CTSV: variants seen among roughly 807,000 people sequenced by gnomAD.
The protein encoded by CTSV is cathepsin V.
In CTSV, 33 loss-of-function variants were observed where a neutral mutation model predicts 35.6. That is an observed-to-expected ratio of 0.93 (90% CI 0.70 to 1.24). CTSV has a LOEUF of 1.24. CTSV is among the 50% of genes most tolerant of loss of function. CTSV has a pLI of 0.00. For synonymous variants in CTSV, 154 were observed against 147.1 expected, an observed-to-expected ratio of 1.05 and a Z score of -0.34; for missense variants, 408 against 413.1, an observed-to-expected ratio of 0.99 and a Z score of 0.11.
At chr9:97,038,302 C>T (rs1165915496) in intron 1 of CTSV, 8 of 334,712 alleles carry the variant, frequency 2.4e-5, no homozygotes, top group Admixed American at 1.2e-4. Flanking sequence ...AGATACCTGA[C>T]GGGTGAGAAG....
intron 1 of CTSV, 62 bp from the exon 2 acceptor site, chr9:97,038,115 C>A (rs996634185): frequency 6.7e-6 from 10 of 1,495,876 alleles, no homozygotes; most frequent in Non-Finnish European, 8.3e-6. Flanking sequence ...TCTTACAGCC[C>A]CCGTGGAATA....
rs1239144482 is a variant in CTSV at position 97,030,124 on chromosome 9, T to A, written c.*2825A>T. The A allele has an allele frequency of 6.6e-6, 1 of 152,244 alleles. No individual in the cohort carries two copies. Among genetic ancestry groups the A allele is most frequent in the Non-Finnish European group, 1.5e-5 (1 of 68,040 alleles). 9.4% of individuals were successfully genotyped at this position (152,244 alleles called of 1,614,324 possible). A position where few individuals can be genotyped will look rare whatever the true frequency, so the allele number is the denominator to read the frequency against. ...TATATACATTTACTAATGTTTGTTA[T>A]TTTTAATACAGAAAAGTTTCTTCTT... On this transcript the variant is annotated 3_prime_UTR_variant, in exon 8 of 8. Transcript: ENST00000259470.
intron 1 of CTSV, 62 bp downstream of exon 1, chr9:97,039,009 A>T (rs1828908187): frequency 6.6e-6 from 1 of 152,370 alleles, no homozygotes; most frequent in South Asian, 2.1e-4. Context: ...GTGTCCCTAA[A>T]GGGGGGTTCC....
intron 4 of CTSV, 117 bp from the exon 5 acceptor site, chr9:97,036,864 G>A (rs1336864280): frequency 1.0e-6 from 1 of 967,014 alleles, no homozygotes; most frequent in Non-Finnish European, 1.5e-6. Flanking sequence ...CCACACTTTG[G>A]GAGGCCGAGG....
In CTSV at chr9:97,032,191, G is replaced by A. The variant is rs1479223698; in HGVS notation, c.*758C>T. 2 of 152,150 alleles carry A rather than the reference G, an allele frequency of 1.3e-5. No homozygotes were observed. The highest frequency in any genetic ancestry group is 4.8e-5 in the African/African-American group (2 of 41,404). 9.4% of individuals were successfully genotyped at this position (152,150 alleles called of 1,614,324 possible). On this transcript the variant is annotated 3_prime_UTR_variant, in exon 8 of 8. Coordinates refer to ENST00000259470, the MANE Select transcript of CTSV (RefSeq NM_001333.4). ...TGGGAGGCTGAGGCAGGTGGATCAC[G>A]AGGTCGAGAGTTCAAGACCAGCCTG...
chr9:97,037,852 A>G (rs992040633), intron 2 of CTSV, 66 bp downstream of exon 2: 1 of 1,590,192 alleles, frequency 6.3e-7, no homozygotes, highest in Non-Finnish European at 8.6e-7. Context: ...CTCTCTGGCT[A>G]TCAACTCCCA....
Position 97,035,693 on chromosome 9 carries a change from C to T in CTSV, c.622G>A (p.Asp208Asn). The T allele has an allele frequency of 6.7e-7, 1 of 1,501,498 alleles. No individual in the cohort carries two copies. Among genetic ancestry groups the T allele is most frequent in the Non-Finnish European group, 9.0e-7 (1 of 1,117,194 alleles). The allele number at this position is 1,501,498 out of a possible 1,614,324, so 93.0% of individuals were successfully genotyped here. Residue 208 changes from aspartate to asparagine, a missense_variant and splice_region_variant, in exon 6 of 8, where the codon GAT becomes AAT. Asp to Asn is a conservative substitution (Grantham distance 23, BLOSUM62 1). Transcript: ENST00000259470. ...TCAGGTCTGTACTTACAGATTTCAT[C>T]CTTTTAAAGTTAAAGGGGGAGAGAC... is the stretch of plus-strand genomic sequence containing the variant. ...SEESYPYVAVDEICKYRPENS... is the reference protein window; with the variant it reads ...SEESYPYVAVNEICKYRPENS...
In CTSV at chr9:97,038,005, T is replaced by C; in HGVS notation, c.39A>G (p.Gly13=). ...CAAATTTTGGAACAGCGGAGGCTAT[T>C]CCCAAGCAAAAGGCAGCCAGGACGA... The part of the protein sequence containing the change: ...LSLVLAAFCL[G]IASAVPKFDQ... Residue 13 remains glycine (G), a synonymous_variant, in exon 2 of 8, where the codon GGA becomes GGG. Transcript: ENST00000259470. 6.2e-7 allele frequency: 1 copy of C among 1,613,994 alleles called. No homozygotes were observed. Among genetic ancestry groups the C allele is most frequent in the Non-Finnish European group, 8.5e-7 (1 of 1,179,964 alleles).
Position 97,034,799 on chromosome 9 carries a change from C to T in CTSV, c.832G>A (p.Gly278Ser), listed in dbSNP as rs1252649987. The T allele has an allele frequency of 6.2e-7, 1 of 1,614,108 alleles. No individual in the cohort carries two copies. Among genetic ancestry groups the T allele is most frequent in the Non-Finnish European group, 8.5e-7 (1 of 1,180,022 alleles). The change falls in exon 7 of 8, where the codon GGT becomes AGT. Residue 278 changes from glycine (G) to serine (S), a missense_variant. Coordinates refer to ENST00000259470, the MANE Select transcript of CTSV (RefSeq NM_001333.4). ...PDCSSKNLDHGVLVVGYGFEG... is the reference protein window; with the variant it reads ...PDCSSKNLDHSVLVVGYGFEG... ...AAGCCGTAGCCAACCACCAGAACAC[C>T]ATGATCCAGGTTTTTGCTGCTGCAG...
rs574967641 is a variant in CTSV at position 97,031,975 on chromosome 9, A to T, written c.*974T>A. ...GCACCTGCGTCTTCCTCAGACTGCA[A>T]AGTGGTCACCAGCAATTCAGAGAGG... On this transcript the variant is annotated 3_prime_UTR_variant, in exon 8 of 8. Coordinates refer to ENST00000259470, the MANE Select transcript of CTSV (RefSeq NM_001333.4). 6.6e-6 allele frequency: 1 copy of T among 152,390 alleles called. No homozygotes were observed. Among genetic ancestry groups the T allele is most frequent in the South Asian group, 2.1e-4 (1 of 4,832 alleles). The allele number at this position is 152,390 out of a possible 1,614,324, so 9.4% of individuals were successfully genotyped here.
upstream of CTSV, chr9:97,039,361 G>C (rs1434510582): frequency 3.3e-5 from 5 of 152,882 alleles, no homozygotes. Flanking sequence ...GGGGCTGCGC[G>C]GAGGAGGGGG....
At chr9:97,039,539 C>T (rs555069995), upstream of CTSV, 1 of 152,232 alleles carries the variant, frequency 6.6e-6, no homozygotes, top group Non-Finnish European at 1.5e-5. Flanking sequence ...CGTTCAGTGG[C>T]TCCTGTTTAG....
chr9:97,034,639 T>C (rs1256942166), intron 7 of CTSV, 87 bp downstream of exon 7: 5 of 1,001,862 alleles, frequency 5.0e-6, no homozygotes, highest in African/African-American at 1.6e-5. Flanking sequence ...AGAAAGACTT[T>C]CGGAATTTTG....
rs1458961337 is a variant in CTSV at position 97,037,314 on chromosome 9, G to C, written c.334C>G (p.Leu112Val). The C allele has an allele frequency of 1.2e-6, 2 of 1,614,054 alleles. No homozygotes were observed. Among genetic ancestry groups the C allele is most frequent in the Admixed American group, 3.3e-5 (2 of 59,996 alleles). The change falls in exon 4 of 8, where the codon CTT (leucine) becomes GTT (valine). Residue 112 changes from leucine (L) to valine (V), a missense_variant. Leu to Val is a conservative substitution (Grantham distance 32). Coordinates refer to ENST00000259470, the MANE Select transcript of CTSV (RefSeq NM_001333.4). ...CAATCCACAGATTTGGGAAGATCAA[G>C]AAACAGAGGCTCACGGAACACTTTC... The part of the protein sequence containing the change: ...KGKVFREPLF[L>V]DLPKSVDWRK...
chr9:97,032,658 A>G lies in CTSV; in HGVS notation c.*291T>C. On this transcript the variant is annotated 3_prime_UTR_variant, in exon 8 of 8. Coordinates refer to ENST00000259470, the MANE Select transcript of CTSV (RefSeq NM_001333.4). The stretch of plus-strand genomic sequence containing the variant: ...ATGCATTAAAAAAAGGCCCACCTTT[A>G]TATACGAATTAAAATTTATTTCAAA... 3.6e-6 allele frequency: 1 copy of G among 276,328 alleles called. No homozygotes were observed. The highest frequency in any genetic ancestry group is 1.1e-3 in the Middle Eastern group (1 of 944). The allele number at this position is 276,328 out of a possible 1,614,324, so 17.1% of individuals were successfully genotyped here. A position where few individuals can be genotyped will look rare whatever the true frequency, so the allele number is the denominator to read the frequency against.
chr9:97,036,571 C>G lies in CTSV; in HGVS notation c.573G>C (p.Lys191Asn), dbSNP rs1344929932. The change falls in exon 5 of 8, where the codon AAG becomes AAC. Residue 191 changes from lysine (K) to asparagine (N), a missense_variant. By Grantham distance (94) the Lys-to-Asn change is moderately conservative (BLOSUM62 0). Coordinates refer to ENST00000259470, the MANE Select transcript of CTSV (RefSeq NM_001333.4). ...CCTCAGAGTCCAGGCCTCCGTTCTCCTTGACATACTGGAAGGCCCTAGCCA... is the reference window on the plus strand; with the variant it reads ...CCTCAGAGTCCAGGCCTCCGTTCTCGTTGACATACTGGAAGGCCCTAGCCA... ...GFMARAFQYV[K>N]ENGGLDSEES... 3.7e-6 allele frequency: 6 copies of G among 1,614,084 alleles called. No individual in the cohort carries two copies. The highest frequency in any genetic ancestry group is 3.3e-5 in the South Asian group (3 of 91,080).
chr9:97,033,179 T>C (rs1828784311), intron 7 of CTSV, 131 bp from the exon 8 acceptor site: 1 of 593,362 alleles, frequency 1.7e-6, no homozygotes, highest in Non-Finnish European at 2.9e-6. Flanking sequence ...TTAATATCCA[T>C]TTATAAATGT....
At chr9:97,039,530 G>A (rs1050068911), upstream of CTSV, 1 of 152,234 alleles carries the variant, frequency 6.6e-6, no homozygotes, top group Admixed American at 6.5e-5. Context: ...GGGTACTCTC[G>A]TTCAGTGGCT....
At chr9:97,038,424 T>C (rs1201645071) in intron 1 of CTSV, 1 of 171,326 alleles carries the variant, frequency 5.8e-6, no homozygotes, top group Non-Finnish European at 1.3e-5. Flanking sequence ...CCCAAGTAGA[T>C]GCAAGCGGAT....
Sources: gnomAD v4.1 joint callset for allele counts on GRCh38, gnomAD v4.1.1 for gene constraint, MANE v1.5 for transcripts, NCBI Gene and HGNC (gene_info 2026-07-23, HGNC 2026-07-21) for gene names.